ERICH5: variants seen among roughly 807,000 people sequenced by gnomAD.
ERICH5 encodes the protein glutamate-rich protein 5.
ERICH5 carries 24 observed loss-of-function variants against 28.0 expected under a neutral mutation model. That is an observed-to-expected ratio of 0.86 (90% confidence interval 0.62 to 1.21). The LOEUF (loss-of-function observed/expected upper bound fraction) is 1.21. Among genes scored for constraint, ERICH5 ranks in the 50% most tolerant of loss-of-function variants. The probability of loss-of-function intolerance (pLI) is 0.00; values close to 1 mark genes in which losing one functional copy is unlikely to be tolerated. For synonymous variants in ERICH5, 163 were observed against 157.6 expected (o/e 1.03, Z -0.25); for missense variants, 421 against 441.2 (o/e 0.95, Z 0.41).
Position 98,064,618 on chromosome 8 carries a change from G to T in ERICH5, c.-52G>T. The T allele has an allele frequency of 6.9e-7, 1 of 1,451,692 alleles. No individual in the cohort carries two copies. 89.9% of individuals were successfully genotyped at this position (1,451,692 alleles called of 1,614,324 possible). The stretch of plus-strand genomic sequence containing the variant: ...CGGGTGCAGTTGCCTTCGGTTCCCG[G>T]TTCCGGGCCGACACCCGCGCAGGGC... On this transcript the variant is annotated 5_prime_UTR_variant, in exon 1 of 3. Transcript: ENST00000318528.
intron 1 of ERICH5, among the ~76,000 whole-genome samples, chr8:98,085,654 T>TA (rs34809263): frequency 1.3e-5 from 2 of 152,182 alleles, no homozygotes; most frequent in Middle Eastern, 3.2e-3. Flanking sequence ...ATTTAACTTT[T>TA]AAAAAAAGTC....
chr8:98,074,295 A>G (rs912576383), intron 1 of ERICH5, among the ~76,000 whole-genome samples: 4 of 152,194 alleles, frequency 2.6e-5, no homozygotes, highest in Non-Finnish European at 4.4e-5. Context: ...TTCAAAAATC[A>G]TAAAAGTGGT....
chr8:98,092,871 C>G (rs1815431481), intron 2 of ERICH5, among the ~76,000 whole-genome samples: 2 of 151,376 alleles, frequency 1.3e-5, no homozygotes, highest in African/African-American at 4.9e-5. Context: ...TGCCTCCCGG[C>G]TTCAAGTGAT....
intron 1 of ERICH5, among the ~76,000 whole-genome samples, chr8:98,079,144 C>T (rs933911105): frequency 1.4e-5 from 2 of 145,626 alleles, no homozygotes; most frequent in African/African-American, 5.0e-5. Context: ...CCAGGGACCA[C>T]ATTTTCCTCT....
intron 2 of ERICH5, among the ~76,000 whole-genome samples, chr8:98,091,956 CTTTCTTT>C (rs1267904944): frequency 4.0e-5 from 4 of 101,208 alleles, no homozygotes; most frequent in Admixed American, 1.0e-4. Flanking sequence ...TTTCTTCTTT[CTTTCTTT>C]TTTCTTTCTT....
intron 1 of ERICH5, among the ~76,000 whole-genome samples, chr8:98,087,250 G>A (rs1404783225): frequency 1.3e-5 from 2 of 152,000 alleles, no homozygotes; most frequent in African/African-American, 2.4e-5. Flanking sequence ...AATTCATTTA[G>A]CAACATAGAA....
chr8:98,091,900 C>CTTTCCTTCCTTTCTTT, intron 2 of ERICH5, among the ~76,000 whole-genome samples: 4 of 74,708 alleles, frequency 5.4e-5, no homozygotes, highest in African/African-American at 1.7e-4. Context: ...TTCTTTCTTT[C>CTTTCCTTCCTTTCTTT]CTTTCTTTCT....
At chr8:98,083,079 G>A (rs2130525858) in intron 1 of ERICH5, among the ~76,000 whole-genome samples, 1 of 152,288 alleles carries the variant, frequency 6.6e-6, no homozygotes, top group African/African-American at 2.4e-5. Context: ...AAATTGTGTG[G>A]CTGTGTTTTG....
intron 1 of ERICH5, 118 bp downstream of exon 1, chr8:98,064,845 C>T: frequency 1.4e-6 from 1 of 727,214 alleles, no homozygotes; most frequent in Non-Finnish European, 2.1e-6. Context: ...CGGGCCTTGT[C>T]CCGGAGGATG....
At chr8:98,069,608 A>G (rs1227602005) in intron 1 of ERICH5, among the ~76,000 whole-genome samples, 1 of 152,052 alleles carries the variant, frequency 6.6e-6, no homozygotes, top group African/African-American at 2.4e-5. Flanking sequence ...CAGCCCCCCT[A>G]TTGAGGGACA....
At position 98,089,109 on chromosome 8, in the gene ERICH5, A is replaced by C. The variant is rs1337181053; in HGVS notation, c.92A>C (p.Glu31Ala). 1.1e-5 allele frequency: 17 copies of C among 1,611,304 alleles called. No individual in the cohort carries two copies. Among genetic ancestry groups the C allele is most frequent in the Non-Finnish European group, 1.4e-5 (17 of 1,179,144 alleles). The change falls in exon 2 of 3, where the codon GAA (glutamate) becomes GCA (alanine). Residue 31 changes from glutamate to alanine, a missense_variant. Transcript: ENST00000318528. Reference sequence around the variant, plus strand: ...AATGAGCATTTTTCAACTGCAGAAGAAAGTGAGTCCTGCTTTGCCCAACCA... The same window carrying C: ...AATGAGCATTTTTCAACTGCAGAAGCAAGTGAGTCCTGCTTTGCCCAACCA... Reference protein sequence around the residue: ...TSNEHFSTAEESESCFAQPKP... With the variant: ...TSNEHFSTAEASESCFAQPKP...
chr8:98,076,051 G>T (rs1185003787), intron 1 of ERICH5, among the ~76,000 whole-genome samples: 1 of 138,034 alleles, frequency 7.2e-6, no homozygotes, highest in African/African-American at 2.8e-5. Context: ...AGCAGAGCAA[G>T]CATTTACGCT....
Position 98,089,576 on chromosome 8 carries a change from C to G in ERICH5, c.559C>G (p.Pro187Ala), listed in dbSNP as rs767828530. 2 of 1,614,030 alleles carry G rather than the reference C, an allele frequency of 1.2e-6. No individual in the cohort carries two copies. Among genetic ancestry groups the G allele is most frequent in the South Asian group, 1.1e-5 (1 of 91,086 alleles). The change falls in exon 2 of 3, where the codon CCT becomes GCT. Residue 187 changes from proline (P) to alanine (A), a missense_variant. Physicochemically the swap from Pro to Ala is conservative, Grantham distance 27. Coordinates refer to ENST00000318528, the MANE Select transcript of ERICH5 (RefSeq NM_173549.3). The stretch of plus-strand genomic sequence containing the variant: ...TCCACAAACTGCTGCAGAGATGAAG[C>G]CTCTAGGAACAACTGAGAACGTTCT... ...ENPQTAAEMK[P>A]LGTTENVLTL... is the part of the protein sequence containing the mutation.
At chr8:98,073,046 T>C (rs1814949146) in intron 1 of ERICH5, among the ~76,000 whole-genome samples, 1 of 152,088 alleles carries the variant, frequency 6.6e-6, no homozygotes, top group South Asian at 2.1e-4. Flanking sequence ...CTTGCATTAA[T>C]GTATGGGTAT....
At position 98,089,371 on chromosome 8, in the gene ERICH5, A is replaced by G. The variant is rs555991242; in HGVS notation, c.354A>G (p.Pro118=). Residue 118 remains proline, a synonymous_variant, in exon 2 of 3, where the codon CCA becomes CCG. Transcript: ENST00000318528. ...EGLEESGPPQ[P]GGKEDAPAAE... ...TGGAGGAATCTGGGCCGCCTCAACC[A>G]GGTGGCAAAGAGGATGCCCCAGCAG... 8 of 1,614,268 alleles carry G rather than the reference A, an allele frequency of 5.0e-6. No individual in the cohort carries two copies. The Admixed American group carries it at 5.0e-5, about 10-fold the overall frequency.
intron 1 of ERICH5, among the ~76,000 whole-genome samples, chr8:98,074,798 A>G (rs1345993513): frequency 6.6e-6 from 1 of 152,228 alleles, no homozygotes; most frequent in Non-Finnish European, 1.5e-5. Context: ...TATGTTTGTC[A>G]CAATTAATGA....
chr8:98,089,241 G>T lies in ERICH5; in HGVS notation c.224G>T (p.Gly75Val). The T allele has an allele frequency of 4.3e-6, 7 of 1,614,194 alleles. No individual in the cohort carries two copies. Among genetic ancestry groups the T allele is most frequent in the Non-Finnish European group, 5.9e-6 (7 of 1,180,044 alleles). Residue 75 changes from glycine (G) to valine (V), a missense_variant, in exon 2 of 3, where the codon GGT becomes GTT. Coordinates refer to ENST00000318528, the MANE Select transcript of ERICH5 (RefSeq NM_173549.3). ...GTTTCAGCAGAGCCTACAGCTAATG[G>T]TGTTAAACCCCTCCAAGAACAGCCC... The part of the protein sequence containing the change: ...LKVSAEPTAN[G>V]VKPLQEQPLA...
intron 2 of ERICH5, among the ~76,000 whole-genome samples, chr8:98,091,820 TTTTCTTTCTTTTTCTTTTTC>T (rs1563759333): frequency 3.1e-4 from 47 of 150,882 alleles, no homozygotes; most frequent in Non-Finnish European, 4.3e-4. Flanking sequence ...TAGACTTTCT[TTTTCTTTCTTTTTCTTTTTC>T]TTTCTTTCTT....
At chr8:98,091,862 TTCTTTCTTTCTTTC>T (rs1815395621) in intron 2 of ERICH5, among the ~76,000 whole-genome samples, 1 of 89,082 alleles carries the variant, frequency 1.1e-5, no homozygotes, top group Non-Finnish European at 2.3e-5. Flanking sequence ...CTTTCTTTCT[TTCTTTCTTTCTTTC>T]TTTCTTTCTT....
Sources: allele counts gnomAD v4.1 joint callset (sites outside exome capture counted in the v4.1 genomes callset), GRCh38; gene constraint gnomAD v4.1.1; transcripts MANE v1.5; gene names NCBI Gene and HGNC (gene_info 2026-07-23, HGNC 2026-07-21).